The following ULK4 variants were observed in gnomAD, a reference collection of about 807,000 sequenced individuals.
ULK4 encodes inactive serine/threonine-protein kinase ULK4.
A neutral mutation model predicts 160.6 loss-of-function variants in ULK4; 133 were observed. The ratio of observed to expected loss-of-function variants is 0.83; its 90% confidence interval spans 0.72 to 0.96. ULK4 has a LOEUF of 0.96. ULK4 is among the 40% of genes least tolerant of loss of function. The pLI is 0.00. For missense variants in ULK4, 1,580 were observed against 1,499.5 expected (o/e 1.05, Z -0.89); for synonymous variants, 534 against 539.8 (o/e 0.99, Z 0.15).
chr3:41,885,770 C>A (rs1246448981), intron 16 of ULK4, among the ~76,000 whole-genome samples: 2 of 152,004 alleles, frequency 1.3e-5, no homozygotes, highest in African/African-American at 2.4e-5. Context: ...GCAATGCCTC[C>A]CAGGCTCAAG....
At chr3:41,902,457 A>G (rs1698405963) in intron 12 of ULK4, among the ~76,000 whole-genome samples, 1 of 152,022 alleles carries the variant, frequency 6.6e-6, no homozygotes, top group Non-Finnish European at 1.5e-5. Flanking sequence ...AGGCGCCTGT[A>G]ATCCCAGCTA....
rs1011578798 is a variant in ULK4 at position 41,246,892 on chromosome 3, G to C, written c.*37C>G. The C allele has an allele frequency of 6.2e-7, 1 of 1,608,176 alleles. No individual in the cohort carries two copies. Among genetic ancestry groups the C allele is most frequent in the Non-Finnish European group, 8.5e-7 (1 of 1,177,226 alleles). ...ACCTTGCTTATGCATCCGAGGGCTG[G>C]GGCCACAGGGCGGGCTTGTGCTAAG... is the stretch of plus-strand genomic sequence containing the variant. On this transcript the variant is annotated 3_prime_UTR_variant, in exon 37 of 37. Transcript: ENST00000301831.
chr3:41,877,738 T>C (rs1697361687), intron 17 of ULK4, among the ~76,000 whole-genome samples: 2 of 151,866 alleles, frequency 1.3e-5, no homozygotes, highest in South Asian at 2.1e-4. Context: ...TCCCAGAACT[T>C]TGGGAGGCCA....
At chr3:41,485,622 C>A (rs1240642419) in intron 32 of ULK4, among the ~76,000 whole-genome samples, 3 of 152,320 alleles carry the variant, frequency 2.0e-5, no homozygotes, top group South Asian at 4.1e-4. Context: ...ACAGCTGCCA[C>A]TCAGAGTGAG....
chr3:41,768,554 A>G (rs929855683), intron 21 of ULK4, among the ~76,000 whole-genome samples: 1 of 152,268 alleles, frequency 6.6e-6, no homozygotes, highest in South Asian at 2.1e-4. Context: ...ATACAATGCA[A>G]CTGAGGCTAC....
intron 31 of ULK4, among the ~76,000 whole-genome samples, chr3:41,567,649 G>T (rs147757135): frequency 6.6e-6 from 1 of 151,922 alleles, no homozygotes; most frequent in East Asian, 1.9e-4. Context: ...ATTTTTAGTA[G>T]AGACAGGGTT....
intron 30 of ULK4, among the ~76,000 whole-genome samples, chr3:41,619,372 G>C (rs1047355778): frequency 9.9e-5 from 15 of 152,082 alleles, no homozygotes; most frequent in African/African-American, 2.7e-4. Context: ...CACATAATTA[G>C]AAGTAAACAC....
chr3:41,796,550 T>C (rs1236102140), intron 20 of ULK4, among the ~76,000 whole-genome samples: 1 of 151,920 alleles, frequency 6.6e-6, no homozygotes, highest in Admixed American at 6.6e-5. Context: ...TGAGATTGCA[T>C]GATTGTACTC....
At chr3:41,248,941 C>T (rs1364471181) in intron 36 of ULK4, among the ~76,000 whole-genome samples, 2 of 152,208 alleles carry the variant, frequency 1.3e-5, no homozygotes, top group African/African-American at 4.8e-5. Context: ...CTAGCCTAAC[C>T]CCATGCTGTC....
At chr3:41,339,591 C>G (rs1321856560) in intron 35 of ULK4, among the ~76,000 whole-genome samples, 1 of 152,156 alleles carries the variant, frequency 6.6e-6, no homozygotes, top group Admixed American at 6.5e-5. Flanking sequence ...ATCTCAAAGT[C>G]TGCTTGTGAA....
At chr3:41,354,969 A>G (rs1303314415) in intron 35 of ULK4, among the ~76,000 whole-genome samples, 1 of 152,152 alleles carries the variant, frequency 6.6e-6, no homozygotes, top group African/African-American at 2.4e-5. Flanking sequence ...ATGTGCCTCA[A>G]AGCGCTGCGA....
rs199600821 is a variant in ULK4 at position 41,715,492 on chromosome 3, C to T, written c.2532G>A (p.Leu844=). 9 of 1,613,998 alleles carry T rather than the reference C, an allele frequency of 5.6e-6. No homozygotes were observed. The highest frequency in any genetic ancestry group is 5.5e-5 in the South Asian group (5 of 91,084). ...GCACTACAGGCATCAGGGGGAGACA[C>T]AACTTCAGCTGTTTCACTTGAACTG... ...PSTVQVKQLK[L]CLPLMPVVLH... The change falls in exon 24 of 37, where the codon TTG becomes TTA. Residue 844 remains leucine (L), a synonymous_variant. Coordinates refer to ENST00000301831, the MANE Select transcript of ULK4 (RefSeq NM_017886.4).
In ULK4 at chr3:41,366,548, T is replaced by TACACACACAC. The variant is rs148305509; in HGVS notation, c.3678+31521_3678+31530dup. ...AACACCTGTATTTGGAAAATATGGC[T>TACACACACAC]ACACACACACACACACACACACACA... On this transcript the variant is annotated intron_variant, in intron 35 of 36. Coordinates refer to ENST00000301831, the MANE Select transcript of ULK4 (RefSeq NM_017886.4). Among the ~76,000 whole-genome samples the TACACACACAC allele has an allele frequency of 2.0e-3, 294 of 148,784 alleles. 4 individuals carry two copies. The highest frequency in any genetic ancestry group is 7.2e-3 in the African/African-American group (290 of 40,546).
intron 19 of ULK4, among the ~76,000 whole-genome samples, chr3:41,807,906 C>A (rs765850294): frequency 2.0e-5 from 3 of 152,154 alleles, no homozygotes; most frequent in Non-Finnish European, 4.4e-5. Flanking sequence ...ATGTGACATC[C>A]ATTTGACAAA....
At chr3:41,404,741 G>T (rs187439447) in intron 34 of ULK4, among the ~76,000 whole-genome samples, 65 of 152,306 alleles carry the variant, frequency 4.3e-4, no homozygotes, top group Admixed American at 2.2e-3. Flanking sequence ...ATATGTGCAT[G>T]TGCTCAGGCT....
intron 17 of ULK4, among the ~76,000 whole-genome samples, chr3:41,843,311 G>A (rs1299533192): frequency 6.6e-6 from 1 of 152,218 alleles, no homozygotes; most frequent in Non-Finnish European, 1.5e-5. Context: ...ACCAAAAGCT[G>A]CCAAGGATGA....
At chr3:41,769,929 C>T (rs773578221) in intron 21 of ULK4, among the ~76,000 whole-genome samples, 4 of 152,110 alleles carry the variant, frequency 2.6e-5, no homozygotes, top group Admixed American at 6.6e-5. Flanking sequence ...GAAAGAAAAA[C>T]AGTGAGAAAT....
At chr3:41,603,018 T>C (rs1246608101) in intron 31 of ULK4, among the ~76,000 whole-genome samples, 2 of 152,062 alleles carry the variant, frequency 1.3e-5, no homozygotes, top group Non-Finnish European at 2.9e-5. Flanking sequence ...GGTCTAAATA[T>C]ACACTGAAAA....
chr3:41,821,238 T>A (rs2041134437), intron 18 of ULK4, among the ~76,000 whole-genome samples: 1 of 152,188 alleles, frequency 6.6e-6, no homozygotes. Flanking sequence ...TTTCTCTAAG[T>A]CTGCTCTCAG....
Sources: allele counts gnomAD v4.1 joint callset (sites outside exome capture counted in the v4.1 genomes callset), GRCh38; gene constraint gnomAD v4.1.1; transcripts MANE v1.5; gene names NCBI Gene and HGNC (gene_info 2026-07-23, HGNC 2026-07-21).